Variants in NEGR1 observed in about 807,000 individuals in gnomAD.
NEGR1 encodes the protein IgLON family member 4.
Under a neutral mutation model 40.9 loss-of-function variants are expected in NEGR1, and 10 were observed. That is an observed-to-expected ratio of 0.24 (90% CI 0.15 to 0.42). The LOEUF is 0.42. Among genes scored for constraint, NEGR1 ranks in the 10% least tolerant of loss-of-function variants. NEGR1 has a pLI of 1.00. For synonymous variants in NEGR1, 185 were observed against 166.8 expected, an observed-to-expected ratio of 1.11 and a Z score of -0.84; for missense variants, 352 against 438.9, an observed-to-expected ratio of 0.80 and a Z score of 1.77.
intron 1 of NEGR1, among the ~76,000 whole-genome samples, chr1:72,177,134 T>A (rs981091602): frequency 2.0e-5 from 3 of 152,098 alleles, no homozygotes; most frequent in Non-Finnish European, 4.4e-5. Context: ...TTGTAGTAGT[T>A]ATATGATCTT....
intron 1 of NEGR1, among the ~76,000 whole-genome samples, chr1:72,059,175 A>G (rs894943969): frequency 6.6e-6 from 1 of 151,630 alleles, no homozygotes; most frequent in Non-Finnish European, 1.5e-5. Flanking sequence ...GCAGCTGCAT[A>G]GAGTACAGCA....
intron 4 of NEGR1, among the ~76,000 whole-genome samples, chr1:71,667,980 C>T (rs1652296963): frequency 6.6e-6 from 1 of 152,170 alleles, no homozygotes; most frequent in Non-Finnish European, 1.5e-5. Context: ...AGTCATAATA[C>T]ATATGAATGT....
chr1:72,079,654 T>C (rs1647903638), intron 1 of NEGR1, among the ~76,000 whole-genome samples: 2 of 152,226 alleles, frequency 1.3e-5, no homozygotes, highest in East Asian at 3.9e-4. Flanking sequence ...TTTTAAATGA[T>C]CAAAACTTGG....
intron 3 of NEGR1, among the ~76,000 whole-genome samples, chr1:71,744,880 T>C (rs1446494140): frequency 2.6e-5 from 4 of 152,126 alleles, no homozygotes; most frequent in African/African-American, 4.8e-5. Flanking sequence ...TTATCATAAA[T>C]ACCTTTGGTG....
intron 6 of NEGR1, among the ~76,000 whole-genome samples, chr1:71,474,281 ATGTGTGTGTGTG>A (rs112956217): frequency 7.0e-6 from 1 of 143,528 alleles, no homozygotes; most frequent in Non-Finnish European, 1.5e-5. Context: ...AAACAGGAAA[ATGTGTGTGTGTG>A]TGTGTGTGTG....
intron 1 of NEGR1, among the ~76,000 whole-genome samples, chr1:72,183,813 G>A (rs931932906): frequency 5.9e-5 from 9 of 152,038 alleles, no homozygotes; most frequent in African/African-American, 2.2e-4. Flanking sequence ...TTCTTCTGCT[G>A]GAGGAGCTAT....
chr1:71,656,953 G>A (rs1651898368), intron 4 of NEGR1, among the ~76,000 whole-genome samples: 1 of 152,136 alleles, frequency 6.6e-6, no homozygotes, highest in Non-Finnish European at 1.5e-5. Context: ...TGGCCCAAAG[G>A]TCATAATATT....
intron 5 of NEGR1, among the ~76,000 whole-genome samples, chr1:71,609,175 C>T (rs1650160740): frequency 6.6e-6 from 1 of 151,704 alleles, no homozygotes; most frequent in African/African-American, 2.4e-5. Context: ...ATAGAAGTTG[C>T]ATATAAAATA....
chr1:72,040,965 T>C (rs1234822550), intron 1 of NEGR1, among the ~76,000 whole-genome samples: 1 of 151,978 alleles, frequency 6.6e-6, no homozygotes, highest in East Asian at 1.9e-4. Context: ...ATCAACCTAA[T>C]AACCTGTTTT....
chr1:71,498,092 C>T (rs1646976938), intron 6 of NEGR1, among the ~76,000 whole-genome samples: 3 of 149,966 alleles, frequency 2.0e-5, no homozygotes, highest in Non-Finnish European at 3.0e-5. Flanking sequence ...CCTGTCCTGT[C>T]TAATAAAATA....
chr1:71,407,623 T>C (rs1569835797), intron 6 of NEGR1, 53 bp from the exon 7 acceptor site: 1 of 1,586,984 alleles, frequency 6.3e-7, no homozygotes, highest in Admixed American at 1.7e-5. Context: ...TCTTCCAGGA[T>C]CTTGACAATA....
chr1:71,896,008 C>T (rs1285314191), intron 2 of NEGR1, among the ~76,000 whole-genome samples: 1 of 144,040 alleles, frequency 6.9e-6, no homozygotes, highest in Non-Finnish European at 1.5e-5. Flanking sequence ...GTGGTTTCAA[C>T]TTTTAAGTCT....
In NEGR1 at chr1:72,100,204, T is replaced by TA. The variant is rs151310802; in HGVS notation, c.177-164894dup. 3.3e-3 allele frequency among the ~76,000 whole-genome samples: 495 copies of TA among 152,234 alleles called. 3 individuals are homozygous for TA. Among genetic ancestry groups the TA allele is most frequent in the African/African-American group, 0.011 (473 of 41,560 alleles). The stretch of plus-strand genomic sequence containing the variant: ...CCACCAAAGGATCCAAGATTATAAC[T>TA]AAAAAACAAATCAATACTTAATTTT... On this transcript the variant is annotated intron_variant, in intron 1 of 6. Coordinates refer to ENST00000357731, the MANE Select transcript of NEGR1 (RefSeq NM_173808.3).
intron 2 of NEGR1, among the ~76,000 whole-genome samples, chr1:71,841,738 C>A (rs1022151965): frequency 6.6e-6 from 1 of 152,074 alleles, no homozygotes; most frequent in African/African-American, 2.4e-5. Flanking sequence ...CACAGCATAT[C>A]GTAGAAATAC....
rs532189898 is a variant in NEGR1 at position 71,712,849 on chromosome 1, C to T, written c.536-14710G>A. Among the ~76,000 whole-genome samples, 17 of 152,178 alleles carry T rather than the reference C, an allele frequency of 1.1e-4. No individual in the cohort carries two copies. In the East Asian group the frequency reaches 2.5e-3, roughly 23 times the overall value. On this transcript the variant is annotated intron_variant, in intron 3 of 6. Coordinates refer to ENST00000357731, the MANE Select transcript of NEGR1 (RefSeq NM_173808.3). ...TATGGTTGTTTGAAAGTGTGTGGCA[C>T]TTCCATCTTAACTCTCTCTCTCTCT...
intron 1 of NEGR1, among the ~76,000 whole-genome samples, chr1:72,196,143 T>A (rs1483941071): frequency 6.6e-6 from 1 of 151,942 alleles, no homozygotes; most frequent in African/African-American, 2.4e-5. Context: ...ACATCCCAAA[T>A]CTGAAAAGCC....
intron 1 of NEGR1, among the ~76,000 whole-genome samples, chr1:72,144,470 T>C (rs529827018): frequency 2.1e-4 from 20 of 93,550 alleles, no homozygotes; most frequent in African/African-American, 5.6e-4. Context: ...GCACATAAAC[T>C]GTAAATGCTA....
rs528616683 is a variant in NEGR1 at position 72,280,380 on chromosome 1, T to C, written c.176+1939A>G. ...TCTCCTAAACCCTTTAGGGTGGAAA[T>C]GGTAATGCTCACTACAAATAAGCAA... is the stretch of plus-strand genomic sequence containing the variant. On this transcript the variant is annotated intron_variant, in intron 1 of 6. Coordinates refer to ENST00000357731, the MANE Select transcript of NEGR1 (RefSeq NM_173808.3). Among the ~76,000 whole-genome samples, 463 of 152,282 alleles carry C rather than the reference T, an allele frequency of 3.0e-3. 4 individuals carry two copies. Among genetic ancestry groups the C allele is most frequent in the African/African-American group, 0.011 (445 of 41,556 alleles).
At chr1:71,491,937 G>A (rs916305284) in intron 6 of NEGR1, among the ~76,000 whole-genome samples, 1 of 152,060 alleles carries the variant, frequency 6.6e-6, no homozygotes, top group Non-Finnish European at 1.5e-5. Flanking sequence ...ACCTTTAGGA[G>A]GTGATTAGGT....
Sources: gnomAD v4.1 joint callset for allele counts (sites outside exome capture counted in the v4.1 genomes callset) on GRCh38, gnomAD v4.1.1 for gene constraint, MANE v1.5 for transcripts, NCBI Gene and HGNC (gene_info 2026-07-23, HGNC 2026-07-21) for gene names.